Variants in TTC9 observed in about 807,000 individuals in gnomAD.
TTC9 encodes tetratricopeptide repeat protein 9A.
TTC9 carries 13 observed loss-of-function variants against 22.9 expected under a neutral mutation model. The observed-to-expected ratio is 0.57, with a 90% confidence interval of 0.37 to 0.90. The LOEUF (loss-of-function observed/expected upper bound fraction) is 0.90. Ranked by LOEUF, TTC9 falls within the 40% of genes least tolerant of loss-of-function variation. The pLI, the probability that TTC9 is intolerant of heterozygous loss-of-function variation, is 0.01. For missense variants in TTC9, 280 were observed against 291.8 expected (o/e 0.96, Z 0.29); for synonymous variants, 148 against 133.2 (o/e 1.11, Z -0.77).
chr14:70,649,914 C>A (rs1004481671), intron 1 of TTC9, among the ~76,000 whole-genome samples: 1 of 152,156 alleles, frequency 6.6e-6, no homozygotes, highest in Non-Finnish European at 1.5e-5. Context: ...TCCCTAGGTC[C>A]TGCCATGTCA....
At chr14:70,644,373 C>G (rs532525853) in intron 1 of TTC9, among the ~76,000 whole-genome samples, 1 of 152,352 alleles carries the variant, frequency 6.6e-6, no homozygotes, top group South Asian at 2.1e-4. Context: ...TCCCCCTCTG[C>G]TGCCTTCTCC....
Position 70,642,564 on chromosome 14 carries a change from G to T in TTC9, c.406+29G>T, listed in dbSNP as rs1208463975. The T allele has an allele frequency of 5.9e-6, 9 of 1,517,530 alleles. No homozygotes were observed. The African/African-American group carries it at 9.9e-5, about 17-fold the overall frequency. The allele number at this position is 1,517,530 out of a possible 1,614,324, so 94.0% of individuals were successfully genotyped here. A position where few individuals can be genotyped will look rare whatever the true frequency, so the allele number is the denominator to read the frequency against. On this transcript the variant is annotated intron_variant, in intron 1 of 2. Coordinates refer to ENST00000256367, the MANE Select transcript of TTC9 (RefSeq NM_015351.2). Reference sequence around the variant, plus strand: ...AGCCGCGCCGCGCCCCCCGCGCCGCGGTCCCCGTTCTTCGGCCCGGTCCCT... The same window carrying T: ...AGCCGCGCCGCGCCCCCCGCGCCGCTGTCCCCGTTCTTCGGCCCGGTCCCT...
intron 1 of TTC9, among the ~76,000 whole-genome samples, chr14:70,642,868 C>G: frequency 6.6e-6 from 1 of 152,178 alleles, no homozygotes; most frequent in East Asian, 1.9e-4. Context: ...GGGGTGGGCC[C>G]CCGCAGCCAC....
At position 70,674,782 on chromosome 14, in the gene TTC9, A is replaced by G. The variant is rs1464200445; in HGVS notation, c.*3627A>G. On this transcript the variant is annotated 3_prime_UTR_variant, in exon 3 of 3. Coordinates refer to ENST00000256367, the MANE Select transcript of TTC9 (RefSeq NM_015351.2). Reference sequence around the variant, plus strand: ...CGGCATATCAAACTTTCTCAACAGCATCTTCATTGTATGGATGGACCCTTT... The same window carrying G: ...CGGCATATCAAACTTTCTCAACAGCGTCTTCATTGTATGGATGGACCCTTT... The G allele has an allele frequency of 6.6e-6, 1 of 152,222 alleles. No individual in the cohort carries two copies. The highest frequency in any genetic ancestry group is 1.5e-5 in the Non-Finnish European group (1 of 68,036). The allele number at this position is 152,222 out of a possible 1,614,324, so 9.4% of individuals were successfully genotyped here.
At chr14:70,642,890 C>CT (rs1885845411) in intron 1 of TTC9, among the ~76,000 whole-genome samples, 1 of 152,192 alleles carries the variant, frequency 6.6e-6, no homozygotes, top group Admixed American at 6.5e-5. Flanking sequence ...GCTAGCCCAG[C>CT]TTTTTCCTGC....
Position 70,641,964 on chromosome 14 carries a change from G to A in TTC9, c.-166G>A, listed in dbSNP as rs534731752. The A allele has an allele frequency of 8.8e-4, 254 of 289,794 alleles. No individual in the cohort carries two copies. Among genetic ancestry groups the A allele is most frequent in the African/African-American group, 5.6e-3 (243 of 43,734 alleles). 18.0% of individuals were successfully genotyped at this position (289,794 alleles called of 1,614,324 possible). On this transcript the variant is annotated 5_prime_UTR_variant, in exon 1 of 3. Transcript: ENST00000256367. ...CTGGAGCAGCCTCTGGCAGCAGCGG[G>A]GAGAATGGGAGTGCGGGGCGCCAGA...
intron 1 of TTC9, among the ~76,000 whole-genome samples, chr14:70,666,068 G>A (rs1198583191): frequency 6.6e-6 from 1 of 151,898 alleles, no homozygotes; most frequent in African/African-American, 2.4e-5. Context: ...TTTGCCGTTG[G>A]TCAATGCCTA....
At chr14:70,649,818 G>A (rs1469672234) in intron 1 of TTC9, among the ~76,000 whole-genome samples, 6 of 152,188 alleles carry the variant, frequency 3.9e-5, no homozygotes, top group Non-Finnish European at 8.8e-5. Context: ...CTGTGAACGT[G>A]CCTTGTGTGA....
At chr14:70,645,020 G>A (rs1328597437) in intron 1 of TTC9, among the ~76,000 whole-genome samples, 1 of 152,150 alleles carries the variant, frequency 6.6e-6, no homozygotes, top group Non-Finnish European at 1.5e-5. Context: ...GCTGAGGCAG[G>A]AGAATGGCAT....
At chr14:70,651,926 T>G (rs1264460204) in intron 1 of TTC9, among the ~76,000 whole-genome samples, 1 of 151,528 alleles carries the variant, frequency 6.6e-6, no homozygotes, top group Admixed American at 6.6e-5. Flanking sequence ...GCTATGTCTC[T>G]CCACAGCCCA....
At chr14:70,653,938 C>A (rs888704239) in intron 1 of TTC9, among the ~76,000 whole-genome samples, 1 of 152,158 alleles carries the variant, frequency 6.6e-6, no homozygotes, top group Non-Finnish European at 1.5e-5. Context: ...ACAGAGAAGC[C>A]ATGGGGCTGG....
chr14:70,670,943 G>C (rs1886285218), intron 2 of TTC9, 133 bp from the exon 3 acceptor site: 6 of 726,326 alleles, frequency 8.3e-6, no homozygotes, highest in African/African-American at 1.8e-5. Context: ...AGCCACCATG[G>C]ATAGGCAGAA....
At chr14:70,668,448 A>C (rs1237994494) in intron 2 of TTC9, among the ~76,000 whole-genome samples, 1 of 152,226 alleles carries the variant, frequency 6.6e-6, no homozygotes, top group Non-Finnish European at 1.5e-5. Flanking sequence ...CTCTCTACCA[A>C]GGGATGGCTA....
chr14:70,658,098 C>T (rs894304479), intron 1 of TTC9, among the ~76,000 whole-genome samples: 1 of 152,202 alleles, frequency 6.6e-6, no homozygotes, highest in Non-Finnish European at 1.5e-5. Flanking sequence ...TTACCACCAG[C>T]TCTGTTGGAT....
intron 1 of TTC9, among the ~76,000 whole-genome samples, chr14:70,645,691 T>C (rs1285495562): frequency 6.6e-6 from 1 of 152,218 alleles, no homozygotes; most frequent in Non-Finnish European, 1.5e-5. Flanking sequence ...ACTGGAGGTT[T>C]ATTCTGGAAG....
At chr14:70,659,377 T>TG (rs1164105863) in intron 1 of TTC9, among the ~76,000 whole-genome samples, 1 of 151,996 alleles carries the variant, frequency 6.6e-6, no homozygotes, top group African/African-American at 2.4e-5. Flanking sequence ...AAATAATAAT[T>TG]GGGGGGTTAG....
chr14:70,642,225 G>T lies in TTC9; in HGVS notation c.96G>T (p.Pro32=). 2 of 1,308,180 alleles carry T rather than the reference G, an allele frequency of 1.5e-6. No homozygotes were observed. Among genetic ancestry groups the T allele is most frequent in the Non-Finnish European group, 1.9e-6 (2 of 1,028,424 alleles). The allele number at this position is 1,308,180 out of a possible 1,614,324, so 81.0% of individuals were successfully genotyped here. ...GQRPPPPLCV[P]GGGGGAPARG... is the part of the protein sequence containing the mutation. ...GGCCACCGCCGCCGCTGTGCGTCCC[G>T]GGCGGCGGCGGAGGAGCCCCAGCGA... The change falls in exon 1 of 3, where the codon CCG becomes CCT. Residue 32 remains proline, a synonymous_variant. Coordinates refer to ENST00000256367, the MANE Select transcript of TTC9 (RefSeq NM_015351.2).
intron 2 of TTC9, among the ~76,000 whole-genome samples, chr14:70,670,461 G>A (rs1035388585): frequency 5.3e-5 from 8 of 152,032 alleles, no homozygotes; most frequent in East Asian, 1.9e-4. Context: ...AGTTTGAAAC[G>A]AGCCTGGCCA....
intron 1 of TTC9, among the ~76,000 whole-genome samples, chr14:70,658,071 A>T (rs1041715784): frequency 9.9e-5 from 15 of 152,222 alleles, no homozygotes; most frequent in East Asian, 5.8e-4. Flanking sequence ...GAGATCAGCC[A>T]GTCCGGGTTT....
Sources: allele counts gnomAD v4.1 joint callset (sites outside exome capture counted in the v4.1 genomes callset), GRCh38; gene constraint gnomAD v4.1.1; transcripts MANE v1.5; gene names NCBI Gene and HGNC (gene_info 2026-07-23, HGNC 2026-07-21).